RAF1: variants seen among roughly 807,000 people sequenced by gnomAD.
The protein encoded by RAF1 is Raf-1 proto-oncogene, serine/threonine kinase.
RAF1 carries 27 observed loss-of-function variants against 81.1 expected under a neutral mutation model. The observed-to-expected ratio is 0.33, with a 90% CI of 0.25 to 0.46. RAF1 has a LOEUF of 0.46. Ranked by LOEUF, RAF1 falls within the 20% of genes least tolerant of loss-of-function variation. The pLI, the probability that RAF1 is intolerant of heterozygous loss-of-function variation, is 1.00. For missense variants in RAF1, 598 were observed against 826.0 expected (o/e 0.72, Z 3.38); for synonymous variants, 298 against 294.0 (o/e 1.01, Z -0.14).
intron 1 of RAF1, among the ~76,000 whole-genome samples, chr3:12,631,768 A>T (rs149451165): frequency 6.6e-6 from 1 of 152,320 alleles, no homozygotes; most frequent in African/African-American, 2.4e-5. Flanking sequence ...TTGCTAGGCC[A>T]TGTGTCTAGT....
At chr3:12,590,592 C>T (rs539627135) in intron 13 of RAF1, 1 of 601,410 alleles carries the variant, frequency 1.7e-6, no homozygotes, top group African/African-American at 1.8e-5. Context: ...TCCCAAAGTG[C>T]TGGGATTACA....
intron 11 of RAF1, among the ~76,000 whole-genome samples, chr3:12,598,835 T>G (rs1409873642): frequency 6.6e-6 from 1 of 151,960 alleles, no homozygotes; most frequent in African/African-American, 2.4e-5. Flanking sequence ...TGCTTTTAAC[T>G]TCTCTCAATC....
At chr3:12,604,554 A>T (rs1282400389) in intron 6 of RAF1, among the ~76,000 whole-genome samples, 1 of 152,186 alleles carries the variant, frequency 6.6e-6, no homozygotes, top group Non-Finnish European at 1.5e-5. Flanking sequence ...TTCTTTTTTT[A>T]AATAAAGCAC....
intron 1 of RAF1, among the ~76,000 whole-genome samples, chr3:12,641,169 C>T (rs1362921537): frequency 7.5e-6 from 1 of 133,150 alleles, no homozygotes; most frequent in Non-Finnish European, 1.5e-5. Context: ...ACAATGAGAA[C>T]ACTTGGACAC....
In RAF1 at chr3:12,585,967, C is replaced by T. The variant is rs780340442; in HGVS notation, c.1478-168G>A. 24 of 626,466 alleles carry T rather than the reference C, an allele frequency of 3.8e-5. No individual in the cohort carries two copies. In the South Asian group the frequency reaches 3.9e-4, roughly 10 times the overall value. The allele number at this position is 626,466 out of a possible 1,614,324, so 38.8% of individuals were successfully genotyped here. On this transcript the variant is annotated intron_variant, in intron 14 of 17. Coordinates refer to ENST00000442415, the MANE Select transcript of RAF1 (RefSeq NM_001354689.3). ...AGTTCTTTAAAGTGCTTTTGAAATG[C>T]ACCTTCTTCCAGAAGACAGGCAGGG...
chr3:12,589,692 G>C (rs1479820706), intron 13 of RAF1: 3 of 152,154 alleles, frequency 2.0e-5, no homozygotes, highest in Non-Finnish European at 4.4e-5. Flanking sequence ...TGGAGCCCAG[G>C]AGTTCAAGGA....
chr3:12,603,489 A>G lies in RAF1; in HGVS notation c.883T>C (p.Leu295=), dbSNP rs2058926915. The G allele has an allele frequency of 4.3e-6, 3 of 699,728 alleles. No individual in the cohort carries two copies. The highest frequency in any genetic ancestry group is 7.8e-6 in the Non-Finnish European group (3 of 382,796). 43.3% of individuals were successfully genotyped at this position (699,728 alleles called of 1,614,324 possible). ...AGAAAAATACCTACTCTTCCCCTCA[A>G]ACAAAATCGTCTGGACCACGCCCTG... Residue 295 remains leucine (L), a synonymous_variant, in exon 8 of 18, where the codon TTG becomes CTG. Transcript: ENST00000442415.
In RAF1 at chr3:12,618,596, T is replaced by C; in HGVS notation, c.126A>G (p.Ala42=). 6.2e-7 allele frequency: 1 copy of C among 1,614,208 alleles called. No homozygotes were observed. The highest frequency in any genetic ancestry group is 8.5e-7 in the Non-Finnish European group (1 of 1,180,034). The change falls in exon 2 of 18, where the codon GCA becomes GCG. Residue 42 remains alanine (A), a synonymous_variant. Coordinates refer to ENST00000442415, the MANE Select transcript of RAF1 (RefSeq NM_001354689.3). Reference sequence around the variant, plus strand: ...GATCTGTGAGTTTGCCATCATCTGATGCCCGGCGCTGATAGCCAAACTGCT... The same window carrying C: ...GATCTGTGAGTTTGCCATCATCTGACGCCCGGCGCTGATAGCCAAACTGCT...
intron 1 of RAF1, among the ~76,000 whole-genome samples, chr3:12,619,293 G>A (rs1448613335): frequency 6.6e-6 from 1 of 152,036 alleles, no homozygotes; most frequent in Non-Finnish European, 1.5e-5. Context: ...ACCAGGCACA[G>A]TGGCTCATGC....
At chr3:12,607,506 G>C (rs2059071739) in intron 5 of RAF1, among the ~76,000 whole-genome samples, 1 of 152,068 alleles carries the variant, frequency 6.6e-6, no homozygotes. Flanking sequence ...AAATTAGCTA[G>C]GCATGATGGC....
In RAF1 at chr3:12,585,055, C is replaced by A; in HGVS notation, c.1728+67G>T. ...ATAATAACAAGTCCTAACCCTCTAG[C>A]TGCTTAGGCTGGCGGAGGCCCAGGG... is the stretch of plus-strand genomic sequence containing the variant. On this transcript the variant is annotated intron_variant, in intron 16 of 17. Transcript: ENST00000442415. The A allele has an allele frequency of 6.2e-6, 10 of 1,614,014 alleles. No homozygotes were observed. In the South Asian group the frequency reaches 1.1e-4, roughly 18 times the overall value.
intron 17 of RAF1, 62 bp from the exon 17 acceptor site, chr3:12,584,719 C>T (rs142998620): frequency 1.2e-4 from 194 of 1,612,294 alleles, no homozygotes; most frequent in Admixed American, 9.5e-4. Context: ...ATGTACCCTG[C>T]CCCCCACCAT....
At chr3:12,625,772 C>A (rs1460969369) in intron 1 of RAF1, among the ~76,000 whole-genome samples, 1 of 152,034 alleles carries the variant, frequency 6.6e-6, no homozygotes, top group East Asian at 1.9e-4. Flanking sequence ...TAGTGCATGA[C>A]TGCACCTGTG....
At chr3:12,620,551 G>A (rs943268882) in intron 1 of RAF1, among the ~76,000 whole-genome samples, 1 of 152,032 alleles carries the variant, frequency 6.6e-6, no homozygotes, top group Non-Finnish European at 1.5e-5. Context: ...GCTCACTGCA[G>A]CTTCAATTTT....
chr3:12,618,555 T>C lies in RAF1; in HGVS notation c.167A>G (p.Asn56Ser). Residue 56 changes from asparagine to serine, a missense_variant, in exon 2 of 18, where the codon AAC becomes AGC. Around this residue, in one of 5 missense-constraint regions of RAF1, gnomAD observed 83 missense variants for 72.3 expected, o/e 1.15. Transcript: ENST00000442415. ...GTTCGGCAAGAAAACACGGATAGTGTTGCTTGTCTTAGAAGGATCTGTGAG... is the reference window on the plus strand; with the variant it reads ...GTTCGGCAAGAAAACACGGATAGTGCTGCTTGTCTTAGAAGGATCTGTGAG... The C allele has an allele frequency of 2.5e-6, 4 of 1,614,184 alleles. No individual in the cohort carries two copies. Among genetic ancestry groups the C allele is most frequent in the African/African-American group, 1.3e-5 (1 of 75,052 alleles).
intron 6 of RAF1, among the ~76,000 whole-genome samples, chr3:12,604,856 C>T (rs2058976708): frequency 6.8e-6 from 1 of 146,704 alleles, no homozygotes; most frequent in African/African-American, 2.4e-5. Flanking sequence ...CAGTCACCAC[C>T]AACCCCCACC....
intron 1 of RAF1, among the ~76,000 whole-genome samples, chr3:12,658,528 G>C (rs950389753): frequency 1.3e-5 from 2 of 152,252 alleles, no homozygotes; most frequent in East Asian, 3.9e-4. Context: ...CTTGAACCCA[G>C]GAGGCAGAGG....
intron 1 of RAF1, among the ~76,000 whole-genome samples, chr3:12,626,284 A>AT (rs1297614255): frequency 1.3e-5 from 2 of 151,486 alleles, no homozygotes; most frequent in African/African-American, 2.4e-5. Flanking sequence ...TTAAAAAAAA[A>AT]ATTTTTTTTA....
At position 12,600,209 on chromosome 3, in the gene RAF1, G is replaced by A. The variant is rs1553613022; in HGVS notation, c.993C>T (p.Pro331=). ...GTGCCCGCTCTCTTTGTGCTGGCAC[G>A]GGGGTTTTCGGCTGTGACCAGCCTG... Residue 331 remains proline, a synonymous_variant, in exon 10 of 18, where the codon CCC becomes CCT. Transcript: ENST00000442415. 11 of 1,614,066 alleles carry A rather than the reference G, an allele frequency of 6.8e-6. No individual in the cohort carries two copies. Among genetic ancestry groups the A allele is most frequent in the Admixed American group, 1.7e-5 (1 of 60,006 alleles).
Sources: allele counts gnomAD v4.1 joint callset (sites outside exome capture counted in the v4.1 genomes callset), GRCh38; gene constraint gnomAD v4.1.1; regional missense constraint gnomAD v4.1.1; transcripts MANE v1.5; gene names NCBI Gene and HGNC (gene_info 2026-07-23, HGNC 2026-07-21).